USP6NL: variants seen among roughly 807,000 people sequenced by gnomAD.
USP6NL encodes USP6 N-terminal like, also known as USP6 N-terminal-like protein.
USP6NL carries 26 observed loss-of-function variants against 61.9 expected under a neutral mutation model. The ratio of observed to expected loss-of-function variants is 0.42; its 90% CI spans 0.31 to 0.58. The LOEUF (loss-of-function observed/expected upper bound fraction) is 0.58, where lower values mean the gene tolerates loss of function less well. USP6NL is among the 20% of genes least tolerant of loss of function. The pLI is 0.16. For missense variants in USP6NL, 1,114 were observed against 1,034.3 expected (o/e 1.08, Z -1.06); for synonymous variants, 432 against 390.1 (o/e 1.11, Z -1.27).
At chr10:11,573,716 T>G in intron 2 of USP6NL, 1 of 398,792 alleles carries the variant, frequency 2.5e-6, no homozygotes, top group Non-Finnish European at 4.4e-6. Flanking sequence ...CTGCTTCCTC[T>G]AGAAATCCAA....
At chr10:11,504,409 C>G (rs1304276598) in intron 6 of USP6NL, among the ~76,000 whole-genome samples, 1 of 152,070 alleles carries the variant, frequency 6.6e-6, no homozygotes, top group Non-Finnish European at 1.5e-5. Context: ...CTACATCAGC[C>G]CCATAATGTA....
rs1835362794 is a variant in USP6NL, at chr10:11,525,042, C to T, written c.155+344G>A. ...CTGCATAACACTAAAGTTCGAATTG[C>T]TATTTATTTTTAAAATGCGCTGGTA... On this transcript the variant is annotated intron_variant, in intron 4 of 14. Coordinates refer to ENST00000609104, the MANE Select transcript of USP6NL (RefSeq NM_014688.5). The surrounding 1 kb of genome is among the most constrained non-coding windows in gnomAD (Gnocchi z 5.0). Among the ~76,000 whole-genome samples the T allele has an allele frequency of 1.3e-5, 2 of 152,074 alleles. No homozygotes were observed. The highest frequency in any genetic ancestry group is 4.8e-5 in the African/African-American group (2 of 41,442).
At chr10:11,484,076 T>G (rs966334168) in intron 13 of USP6NL, among the ~76,000 whole-genome samples, 5 of 152,194 alleles carry the variant, frequency 3.3e-5, no homozygotes, top group African/African-American at 1.2e-4. Context: ...TGCACTCAAT[T>G]AGTTTATAAT....
intron 1 of USP6NL, among the ~76,000 whole-genome samples, chr10:11,599,192 C>T (rs1838427537): frequency 1.3e-5 from 2 of 152,232 alleles, no homozygotes. Flanking sequence ...CTGGAGCATG[C>T]TGACTGCTGA....
chr10:11,544,940 T>C (rs1007691392), intron 2 of USP6NL, among the ~76,000 whole-genome samples: 1 of 152,158 alleles, frequency 6.6e-6, no homozygotes, highest in African/African-American at 2.4e-5. Flanking sequence ...CAAGATATAC[T>C]GTAAGCAAAA....
In USP6NL at chr10:11,489,319, T is replaced by G; in HGVS notation, c.544-97A>C. 6.8e-7 allele frequency: 1 copy of G among 1,472,516 alleles called. No homozygotes were observed. Among genetic ancestry groups the G allele is most frequent in the Non-Finnish European group, 9.2e-7 (1 of 1,088,048 alleles). The allele number at this position is 1,472,516 out of a possible 1,614,324, so 91.2% of individuals were successfully genotyped here. On this transcript the variant is annotated intron_variant, in intron 9 of 14. Coordinates refer to ENST00000609104, the MANE Select transcript of USP6NL (RefSeq NM_014688.5). The surrounding 1 kb of genome is among the most constrained non-coding windows in gnomAD (Gnocchi z 5.7). Reference sequence around the variant, plus strand: ...TACTCTATAAAAACCAGAAAATGCCTACACACATCATTTAATGGTCCATTC... The same window carrying G: ...TACTCTATAAAAACCAGAAAATGCCGACACACATCATTTAATGGTCCATTC...
At position 11,598,794 on chromosome 10, in the gene USP6NL, T is replaced by C. The variant is rs1021552503; in HGVS notation, c.-83-1077A>G. Among the ~76,000 whole-genome samples the C allele has an allele frequency of 1.3e-5, 2 of 152,248 alleles. No homozygotes were observed. The highest frequency in any genetic ancestry group is 2.1e-4 in the South Asian group (1 of 4,832). Reference sequence around the variant, plus strand: ...GAAGAAATACTGCTTGCCACATCTATATACTGTACTTGCGTCATGTAATAT... The same window carrying C: ...GAAGAAATACTGCTTGCCACATCTACATACTGTACTTGCGTCATGTAATAT... On this transcript the variant is annotated intron_variant, in intron 1 of 14. Coordinates refer to ENST00000609104, the MANE Select transcript of USP6NL (RefSeq NM_014688.5). The surrounding 1 kb of genome is among the most constrained non-coding windows in gnomAD (Gnocchi z 4.7).
chr10:11,516,475 G>A (rs1179191620), intron 5 of USP6NL, among the ~76,000 whole-genome samples: 1 of 152,138 alleles, frequency 6.6e-6, no homozygotes, highest in East Asian at 1.9e-4. Context: ...CAGAACACAA[G>A]AACTTAACTC....
chr10:11,552,255 A>G (rs1215018955), intron 2 of USP6NL, among the ~76,000 whole-genome samples: 4 of 152,242 alleles, frequency 2.6e-5, no homozygotes, highest in African/African-American at 9.6e-5. Flanking sequence ...TGAAAACCAG[A>G]AAAAGAAAAG....
At chr10:11,531,047 T>C (rs1464015647) in intron 2 of USP6NL, among the ~76,000 whole-genome samples, 1 of 152,228 alleles carries the variant, frequency 6.6e-6, no homozygotes, top group Non-Finnish European at 1.5e-5. Context: ...GGCAGCTGTG[T>C]TGGTTGGTAC....
rs967717787 is a variant in USP6NL, at chr10:11,587,857, ATAAAAG to A, written c.4+9768_4+9773del. ...GTCAATTTTTTCTCAAGACTTTGTA[ATAAAAG>A]TAAAATAGAAACTAGTAAAGCAGAA... is the stretch of plus-strand genomic sequence containing the variant. On this transcript the variant is annotated intron_variant, in intron 2 of 14. Coordinates refer to ENST00000609104, the MANE Select transcript of USP6NL (RefSeq NM_014688.5). This position sits in a 1 kb window ranked among gnomAD's most constrained non-coding sequence, Gnocchi z 4.5. Among the ~76,000 whole-genome samples, 6 of 152,234 alleles carry A rather than the reference ATAAAAG, an allele frequency of 3.9e-5. No individual in the cohort carries two copies. The highest frequency in any genetic ancestry group is 1.4e-4 in the African/African-American group (6 of 41,466).
At chr10:11,586,070 G>GT (rs1237658597) in intron 2 of USP6NL, among the ~76,000 whole-genome samples, 1 of 152,118 alleles carries the variant, frequency 6.6e-6, no homozygotes, top group African/African-American at 2.4e-5. Context: ...GGCTAAGATG[G>GT]TAAATGGTCT....
Position 11,589,808 on chromosome 10 carries a change from T to C in USP6NL, c.4+7823A>G, listed in dbSNP as rs560659390. 6.6e-6 allele frequency among the ~76,000 whole-genome samples: 1 copy of C among 152,346 alleles called. No individual in the cohort carries two copies. Among genetic ancestry groups the C allele is most frequent in the East Asian group, 1.9e-4 (1 of 5,190 alleles). ...TATTAGTGTCTGACTATAATCTTTTTATATTTTATTGTTTAAAGCTTAACA... is the reference window on the plus strand; with the variant it reads ...TATTAGTGTCTGACTATAATCTTTTCATATTTTATTGTTTAAAGCTTAACA... On this transcript the variant is annotated intron_variant, in intron 2 of 14. Transcript: ENST00000609104. The surrounding 1 kb of genome is among the most constrained non-coding windows in gnomAD (Gnocchi z 4.7).
At chr10:11,529,863 T>C (rs1416151837) in intron 2 of USP6NL, among the ~76,000 whole-genome samples, 3 of 151,994 alleles carry the variant, frequency 2.0e-5, no homozygotes, top group Non-Finnish European at 2.9e-5. Context: ...ACTCCTGTAA[T>C]CCCATGGCAG....
intron 7 of USP6NL, among the ~76,000 whole-genome samples, chr10:11,494,247 A>T (rs1303762318): frequency 6.6e-6 from 1 of 152,080 alleles, no homozygotes; most frequent in Non-Finnish European, 1.5e-5. Context: ...TTCTCTCTAG[A>T]AGCTTGTAGG....
intron 2 of USP6NL, among the ~76,000 whole-genome samples, chr10:11,543,760 G>C (rs1407375336): frequency 6.7e-6 from 1 of 149,790 alleles, no homozygotes; most frequent in Non-Finnish European, 1.5e-5. Flanking sequence ...CTGCTACTAG[G>C]CTCCAGGTAA....
rs1838472374 is a variant in USP6NL at position 11,600,209 on chromosome 10, C to T, written c.-83-2492G>A. 6.6e-6 allele frequency among the ~76,000 whole-genome samples: 1 copy of T among 152,158 alleles called. No individual in the cohort carries two copies. Among genetic ancestry groups the T allele is most frequent in the South Asian group, 2.1e-4 (1 of 4,830 alleles). On this transcript the variant is annotated intron_variant, in intron 1 of 14. Coordinates refer to ENST00000609104, the MANE Select transcript of USP6NL (RefSeq NM_014688.5). This position sits in a 1 kb window ranked among gnomAD's most constrained non-coding sequence, Gnocchi z 4.1. ...TTGGGATATTTCTGCAAAAATTGGC[C>T]TTTCATCTCATTTTCCAGGTACTCT...
At position 11,597,771 on chromosome 10, in the gene USP6NL, A is replaced by C. The variant is rs1838378673; in HGVS notation, c.-83-54T>G. On this transcript the variant is annotated intron_variant, in intron 1 of 14. Coordinates refer to ENST00000609104, the MANE Select transcript of USP6NL (RefSeq NM_014688.5). The surrounding 1 kb of genome is among the most constrained non-coding windows in gnomAD (Gnocchi z 4.6). ...GTATTTTCTAGAGGTCAATATTTAAAATAAAGTTTTCTTAAAGAAAATCAT... is the reference window on the plus strand; with the variant it reads ...GTATTTTCTAGAGGTCAATATTTAACATAAAGTTTTCTTAAAGAAAATCAT... 4.9e-6 allele frequency: 3 copies of C among 606,666 alleles called. No individual in the cohort carries two copies. Among genetic ancestry groups the C allele is most frequent in the Non-Finnish European group, 8.5e-6 (3 of 352,000 alleles). 37.6% of individuals were successfully genotyped at this position (606,666 alleles called of 1,614,324 possible).
rs868059426 is a variant in USP6NL at position 11,587,929 on chromosome 10, T to C, written c.4+9702A>G. 6.6e-6 allele frequency among the ~76,000 whole-genome samples: 1 copy of C among 152,228 alleles called. No homozygotes were observed. The highest frequency in any genetic ancestry group is 6.5e-5 in the Admixed American group (1 of 15,280). The stretch of plus-strand genomic sequence containing the variant: ...TTATGCAAGAGATTTGAATCCTATT[T>C]CAATTCAAGTAGAAATGGGGAATTT... On this transcript the variant is annotated intron_variant, in intron 2 of 14. Coordinates refer to ENST00000609104, the MANE Select transcript of USP6NL (RefSeq NM_014688.5). This position sits in a 1 kb window ranked among gnomAD's most constrained non-coding sequence, Gnocchi z 4.5.
Sources: gnomAD v4.1 joint callset for allele counts (sites outside exome capture counted in the v4.1 genomes callset) on GRCh38, gnomAD v4.1.1 for gene constraint, Gnocchi (gnomAD v3.1) non-coding constraint, MANE v1.5 for transcripts, NCBI Gene and HGNC (gene_info 2026-07-23, HGNC 2026-07-21) for gene names.